Variants in CYP4F3 observed in about 807,000 individuals in gnomAD.
The protein encoded by CYP4F3 is cytochrome P450 family 4 subfamily F member 3.
A neutral mutation model predicts 54.8 loss-of-function variants in CYP4F3; 50 were observed. The observed-to-expected ratio is 0.91, with a 90% confidence interval of 0.73 to 1.16. The LOEUF is 1.16. CYP4F3 is among the 50% of genes most tolerant of loss of function. The pLI, the probability that CYP4F3 is intolerant of heterozygous loss-of-function variation, is 0.00. For synonymous variants in CYP4F3, 244 were observed against 262.6 expected (o/e 0.93, Z 0.69); for missense variants, 715 against 676.2 (o/e 1.06, Z -0.64).
At chr19:15,655,765 G>A (rs142816011) in intron 9 of CYP4F3, among the ~76,000 whole-genome samples, 338 of 152,274 alleles carry the variant, frequency 2.2e-3, no homozygotes, top group African/African-American at 7.2e-3. Context: ...TGGAAAATGA[G>A]TTTGTTTTTA....
chr19:15,644,131 G>A (rs1243159265), intron 2 of CYP4F3: 8 of 1,426,586 alleles, frequency 5.6e-6, no homozygotes, highest in Non-Finnish European at 5.5e-6. Context: ...GCCGTGTGTG[G>A]CCCCTGCAGT....
chr19:15,649,764 A>G (rs1972731760), intron 6 of CYP4F3, 149 bp from the exon 7 acceptor site: 27 of 1,194,846 alleles, frequency 2.3e-5, no homozygotes, highest in Non-Finnish European at 3.2e-5. Flanking sequence ...AGTCGATTTC[A>G]TGCTGATCCC....
chr19:15,646,888 C>T (rs1203124621), intron 3 of CYP4F3, among the ~76,000 whole-genome samples, 164 bp from the exon 4 acceptor site: 1 of 152,064 alleles, frequency 6.6e-6, no homozygotes, highest in African/African-American at 2.4e-5. Flanking sequence ...TCTGGTCTTC[C>T]CTCCCCTCCC....
At chr19:15,643,469 G>A (rs569085254) in intron 2 of CYP4F3, among the ~76,000 whole-genome samples, 17 of 152,244 alleles carry the variant, frequency 1.1e-4, no homozygotes, top group African/African-American at 4.1e-4. Flanking sequence ...CAGACAGGCA[G>A]ACAGACAGAT....
rs1165970813 is a variant in CYP4F3, at chr19:15,660,414, A to C, written c.*1029A>C. On this transcript the variant is annotated 3_prime_UTR_variant, in exon 13 of 13. Coordinates refer to ENST00000221307, the MANE Select transcript of CYP4F3 (RefSeq NM_000896.3). ...AGAACAGGCATGCCCTGCAAACTCC[A>C]CAGACACTGACTGTTTTTGTCCTAT... 6.6e-6 allele frequency: 1 copy of C among 152,150 alleles called. No individual in the cohort carries two copies. The highest frequency in any genetic ancestry group is 2.4e-5 in the African/African-American group (1 of 41,424). 9.4% of individuals were successfully genotyped at this position (152,150 alleles called of 1,614,324 possible). A position where few individuals can be genotyped will look rare whatever the true frequency, so the allele number is the denominator to read the frequency against.
At chr19:15,659,170 C>T in intron 12 of CYP4F3, 50 bp from the exon 13 acceptor site, 1 of 1,243,270 alleles carries the variant, frequency 8.0e-7, no homozygotes, top group Non-Finnish European at 1.1e-6. Context: ...CTTGATGGGG[C>T]CAGGATGGGG....
At chr19:15,653,625 T>C (rs1431025234) in intron 9 of CYP4F3, among the ~76,000 whole-genome samples, 1 of 151,924 alleles carries the variant, frequency 6.6e-6, no homozygotes, top group Non-Finnish European at 1.5e-5. Context: ...GTATAGAAAG[T>C]GTCTCAGTTG....
rs374705439 is a variant in CYP4F3 at position 15,659,397 on chromosome 19, A to G, written c.*12A>G. ...AGCCCCTGAGCTGAGTTCTGCAGAG[A>G]CCCACTCTGACCCCACTAAAATGAC... On this transcript the variant is annotated 3_prime_UTR_variant, in exon 13 of 13. Transcript: ENST00000221307. The G allele has an allele frequency of 4.9e-4, 788 of 1,605,410 alleles. 1 individual carries two copies. The highest frequency in any genetic ancestry group is 6.4e-4 in the Non-Finnish European group (757 of 1,176,080).
rs1383653357 is a variant in CYP4F3 at position 15,651,164 on chromosome 19, GTGCCC to G, written c.918+982_918+986del. On this transcript the variant is annotated intron_variant, in intron 7 of 12. Transcript: ENST00000221307. The stretch of plus-strand genomic sequence containing the variant: ...ACTGGGATTACAGGCGTGAGCCACT[GTGCCC>G]CACCTTGTCATGTCTTTTCTATGTC... Among the ~76,000 whole-genome samples, 593 of 139,530 alleles carry G rather than the reference GTGCCC, an allele frequency of 4.2e-3. 2 individuals carry two copies. Among genetic ancestry groups the G allele is most frequent in the Middle Eastern group, 7.4e-3 (2 of 272 alleles). 91.5% of individuals were successfully genotyped at this position (139,530 alleles called of 152,430 possible). A position where few individuals can be genotyped will look rare whatever the true frequency, so the allele number is the denominator to read the frequency against.
At chr19:15,644,144 T>C in intron 2 of CYP4F3, 1 of 1,376,042 alleles carries the variant, frequency 7.3e-7, no homozygotes, top group Non-Finnish European at 9.5e-7. Flanking sequence ...CCTGCAGTAC[T>C]CTGGTCTCTC....
chr19:15,650,495 T>C (rs1371177838), intron 7 of CYP4F3, among the ~76,000 whole-genome samples: 2 of 152,234 alleles, frequency 1.3e-5, no homozygotes, highest in Non-Finnish European at 2.9e-5. Flanking sequence ...TTTGCCTATG[T>C]CTTTCTGTAT....
Position 15,659,298 on chromosome 19 carries a change from G to T in CYP4F3, c.1476G>T (p.Leu492=). Residue 492 remains leucine (L), a synonymous_variant, in exon 13 of 13, where the codon CTG becomes CTT. Coordinates refer to ENST00000221307, the MANE Select transcript of CYP4F3 (RefSeq NM_000896.3). The stretch of plus-strand genomic sequence containing the variant: ...TCACGCTGCTGCGCTTCCGCGTCCT[G>T]CCTGACCACACCGAGCCCCGCAGGA... ...LGLTLLRFRV[L]PDHTEPRRKP... is the part of the protein sequence containing the mutation. The T allele has an allele frequency of 6.2e-7, 1 of 1,613,688 alleles. No individual in the cohort carries two copies. The highest frequency in any genetic ancestry group is 8.5e-7 in the Non-Finnish European group (1 of 1,179,882).
At chr19:15,645,698 G>A in intron 2 of CYP4F3, 21 bp from the exon 3 acceptor site, 1 of 1,592,072 alleles carries the variant, frequency 6.3e-7, no homozygotes, top group Non-Finnish European at 8.6e-7. Flanking sequence ...CATGAATTGG[G>A]TCCTGTGTCT....
chr19:15,653,735 G>GGAGA (rs60874509), intron 9 of CYP4F3, among the ~76,000 whole-genome samples: 2,673 of 110,816 alleles, frequency 0.024, 72 homozygotes, highest in Non-Finnish European at 0.036. Flanking sequence ...AAGAGAGAGA[G>GGAGA]GAGAGAGAGA....
In CYP4F3 at chr19:15,641,512, C is replaced by T. The variant is rs138540917; in HGVS notation, c.97C>T (p.Arg33Cys). Residue 33 changes from arginine to cysteine, a missense_variant, in exon 2 of 13, where the codon CGC becomes TGC. By Grantham distance (180) the Arg-to-Cys change is radical. Transcript: ENST00000221307. ...GGTTGGGGCCTCCTGGCTCCTGGCC[C>T]GCATCCTGGCCTGGACCTATACCTT... ...LLVGASWLLA[R>C]ILAWTYTFYD... 1,877 of 1,614,210 alleles carry T rather than the reference C, an allele frequency of 1.2e-3. 1 individual carries two copies. Among genetic ancestry groups the T allele is most frequent in the Non-Finnish European group, 1.5e-3 (1,807 of 1,180,050 alleles).
In CYP4F3 at chr19:15,659,350, G is replaced by A. The variant is rs749495544; in HGVS notation, c.1528G>A (p.Gly510Ser). The change falls in exon 13 of 13, where the codon GGC becomes AGC. Residue 510 changes from glycine to serine, a missense_variant. By Grantham distance (56) the Gly-to-Ser change is moderately conservative. Coordinates refer to ENST00000221307, the MANE Select transcript of CYP4F3 (RefSeq NM_000896.3). ...GCCGGAGCTGGTCCTGCGCGCAGAG[G>A]GCGGACTTTGGCTGCGGGTGGAGCC... ...RKPELVLRAE[G>S]GLWLRVEPLS 15 of 1,613,128 alleles carry A rather than the reference G, an allele frequency of 9.3e-6. No homozygotes were observed. The East Asian group carries it at 2.7e-4, about 29-fold the overall frequency.
intron 9 of CYP4F3, among the ~76,000 whole-genome samples, chr19:15,655,684 A>G (rs1972992876): frequency 6.6e-6 from 1 of 152,352 alleles, no homozygotes; most frequent in South Asian, 2.1e-4. Context: ...TTTGTAAGTG[A>G]AAGTCCATAA....
At chr19:15,645,969 C>G in intron 3 of CYP4F3, 106 bp downstream of exon 3, 1 of 1,399,756 alleles carries the variant, frequency 7.1e-7, no homozygotes, top group Non-Finnish European at 9.4e-7. Flanking sequence ...CATGTGCAGA[C>G]AGGAGGGGCT....
At chr19:15,655,607 C>T (rs970937965) in intron 9 of CYP4F3, among the ~76,000 whole-genome samples, 1 of 152,178 alleles carries the variant, frequency 6.6e-6, no homozygotes, top group African/African-American at 2.4e-5. Context: ...AATGGCTATC[C>T]CGATGCCCAC....
Sources: gnomAD v4.1 joint callset for allele counts (sites outside exome capture counted in the v4.1 genomes callset) on GRCh38, gnomAD v4.1.1 for gene constraint, MANE v1.5 for transcripts, NCBI Gene and HGNC (gene_info 2026-07-23, HGNC 2026-07-21) for gene names.